The following WIF1 variants were observed in gnomAD, a reference collection of about 807,000 sequenced individuals.
The protein encoded by WIF1 is Wnt inhibitory factor 1.
A neutral mutation model predicts 53.5 loss-of-function variants in WIF1; 35 were observed. The ratio of observed to expected loss-of-function variants is 0.65; its 90% CI spans 0.50 to 0.87. The LOEUF is 0.87. Among genes scored for constraint, WIF1 ranks in the 40% least tolerant of loss-of-function variants. The pLI, the probability that WIF1 is intolerant of heterozygous loss-of-function variation, is 0.00. For missense variants in WIF1, 467 were observed against 476.8 expected, an observed-to-expected ratio of 0.98 and a Z score of 0.19; for synonymous variants, 171 against 170.4, an observed-to-expected ratio of 1.00 and a Z score of -0.03.
At chr12:65,116,495 C>A (rs1160393428) in intron 2 of WIF1, among the ~76,000 whole-genome samples, 1 of 151,936 alleles carries the variant, frequency 6.6e-6, no homozygotes, top group Non-Finnish European at 1.5e-5. Flanking sequence ...AGGAAAACAA[C>A]CTCAGGGCTC....
intron 3 of WIF1, among the ~76,000 whole-genome samples, chr12:65,072,731 A>G (rs1017817886): frequency 6.6e-6 from 1 of 152,184 alleles, no homozygotes; most frequent in Non-Finnish European, 1.5e-5. Context: ...AAGAGACATC[A>G]AAGGCAGAAA....
intron 2 of WIF1, among the ~76,000 whole-genome samples, chr12:65,078,581 A>G (rs1223448013): frequency 1.3e-5 from 2 of 152,120 alleles, no homozygotes; most frequent in African/African-American, 4.8e-5. Context: ...TGAAGTCCCA[A>G]ATTCCATGAT....
Position 65,056,037 on chromosome 12 carries a change from A to G in WIF1, c.916T>C (p.Ser306Pro). ...CSKGYQGDLC[S>P]KPVCEPGCGA... ...ATGTGTATGGGGTACTTACGCTTTG[A>G]ACAGAGGTCTCCCTGGTAACCTTTG... is the stretch of plus-strand genomic sequence containing the variant. The change falls in exon 8 of 10, where the codon TCA (serine) becomes CCA (proline). Residue 306 changes from serine (S) to proline (P), a missense_variant. By Grantham distance (74) the Ser-to-Pro change is moderately conservative (BLOSUM62 -1). Coordinates refer to ENST00000286574, the MANE Select transcript of WIF1 (RefSeq NM_007191.5). 6.2e-7 allele frequency: 1 copy of G among 1,613,930 alleles called. No individual in the cohort carries two copies.
intron 2 of WIF1, among the ~76,000 whole-genome samples, chr12:65,112,255 C>T (rs1883442084): frequency 6.6e-6 from 1 of 152,070 alleles, no homozygotes; most frequent in South Asian, 2.1e-4. Context: ...AGAATAGATG[C>T]TAAGTCAATG....
At position 65,084,800 on chromosome 12, in the gene WIF1, G is replaced by T. The variant is rs556190068; in HGVS notation, c.289-6946C>A. ...AATGGCATTAGCCTCTGATTCTAGT[G>T]ACAGGCAGCAGCTTTTCTGTTTGGC... On this transcript the variant is annotated intron_variant, in intron 2 of 9. Transcript: ENST00000286574. 7.2e-4 allele frequency among the ~76,000 whole-genome samples: 110 copies of T among 152,238 alleles called. 1 individual carries two copies. In the South Asian group the frequency reaches 0.023, roughly 31 times the overall value.
chr12:65,064,859 T>A (rs1180714046), intron 6 of WIF1, among the ~76,000 whole-genome samples: 1 of 152,160 alleles, frequency 6.6e-6, no homozygotes, highest in South Asian at 2.1e-4. Flanking sequence ...CACGCCTACA[T>A]AAGAAGGTCT....
chr12:65,116,957 A>T (rs1883521796), intron 2 of WIF1, among the ~76,000 whole-genome samples: 1 of 135,136 alleles, frequency 7.4e-6, no homozygotes, highest in South Asian at 2.5e-4. Context: ...AAAAAAAAAA[A>T]AAAATTGTCT....
At chr12:65,089,407 C>T (rs1391300485) in intron 2 of WIF1, among the ~76,000 whole-genome samples, 2 of 152,144 alleles carry the variant, frequency 1.3e-5, no homozygotes, top group Non-Finnish European at 2.9e-5. Flanking sequence ...ACCTACCTCC[C>T]TGGTAACTCA....
chr12:65,051,294 A>C lies in WIF1; in HGVS notation c.*55T>G. ...ATTATTTGAACATTCAACACATGAA[A>C]GGTTAACAAAGGCTATGAACTTGGT... On this transcript the variant is annotated 3_prime_UTR_variant, in exon 10 of 10. Transcript: ENST00000286574. The C allele has an allele frequency of 2.6e-6, 4 of 1,567,712 alleles. No individual in the cohort carries two copies. The highest frequency in any genetic ancestry group is 2.6e-6 in the Non-Finnish European group (3 of 1,156,526).
At chr12:65,115,690 T>C (rs1157693204) in intron 2 of WIF1, among the ~76,000 whole-genome samples, 1 of 152,228 alleles carries the variant, frequency 6.6e-6, no homozygotes, top group African/African-American at 2.4e-5. Context: ...GAAATTCTTT[T>C]CTCATCTAAA....
intron 2 of WIF1, among the ~76,000 whole-genome samples, chr12:65,111,144 T>C (rs4762126): frequency 0.2 from 30,037 of 152,158 alleles, 3,267 homozygotes; most frequent in Admixed American, 0.25. Flanking sequence ...AGGCACTCCT[T>C]GTTCCTGGCA....
At chr12:65,085,644 T>C (rs1236885646) in intron 2 of WIF1, among the ~76,000 whole-genome samples, 1 of 152,242 alleles carries the variant, frequency 6.6e-6, no homozygotes, top group Non-Finnish European at 1.5e-5. Context: ...AGAAGAAACA[T>C]TGCCTAAAGA....
intron 2 of WIF1, among the ~76,000 whole-genome samples, chr12:65,094,194 A>T (rs972973666): frequency 3.9e-5 from 6 of 152,194 alleles, no homozygotes; most frequent in African/African-American, 1.4e-4. Context: ...GGATTTTTGG[A>T]AAGTCTGAAA....
intron 2 of WIF1, among the ~76,000 whole-genome samples, chr12:65,079,611 G>A (rs1022141427): frequency 4.1e-5 from 6 of 146,204 alleles, no homozygotes; most frequent in East Asian, 2.0e-4. Flanking sequence ...GGGTGACAGA[G>A]TGAGACTCTG....
At chr12:65,093,755 C>T (rs7306391) in intron 2 of WIF1, among the ~76,000 whole-genome samples, 142,300 of 152,096 alleles carry the variant, frequency 0.94, 67,089 homozygotes, top group East Asian at 1. Flanking sequence ...AGAAAGTTCC[C>T]GCATGTGGAT....
chr12:65,110,411 G>A lies in WIF1; in HGVS notation c.288+10006C>T, dbSNP rs972992416. 4.6e-5 allele frequency among the ~76,000 whole-genome samples: 7 copies of A among 152,196 alleles called. No homozygotes were observed. In the South Asian group the frequency reaches 1.2e-3, roughly 27 times the overall value. ...ATCTCAGCTCATTAAACAGCTTCAC[G>A]AACATCCTTTGAGCTCCAGTTCCAC... On this transcript the variant is annotated intron_variant, in intron 2 of 9. Coordinates refer to ENST00000286574, the MANE Select transcript of WIF1 (RefSeq NM_007191.5).
At chr12:65,113,964 A>C (rs192924692) in intron 2 of WIF1, among the ~76,000 whole-genome samples, 52 of 152,342 alleles carry the variant, frequency 3.4e-4, no homozygotes, top group African/African-American at 1.2e-3. Context: ...AAACCCCAGG[A>C]GTGCAAAGGT....
intron 2 of WIF1, among the ~76,000 whole-genome samples, chr12:65,079,164 C>CAAAAAAA (rs1226121849): frequency 2.6e-4 from 21 of 80,082 alleles, no homozygotes; most frequent in South Asian, 1.1e-3. Context: ...GACTCCATCT[C>CAAAAAAA]AAAAAAAAAA....
chr12:65,077,692 C>G lies in WIF1; in HGVS notation c.397+54G>C, dbSNP rs1381050027. ...GTAGGACATTTGCATCTTAAATATT[C>G]TTATCATCATTACATTTTAAGTGTA... On this transcript the variant is annotated intron_variant, in intron 3 of 9. Transcript: ENST00000286574. The G allele has an allele frequency of 4.6e-6, 6 of 1,291,186 alleles. No homozygotes were observed. In the Admixed American group the frequency reaches 5.4e-5, roughly 12 times the overall value. 80.0% of individuals were successfully genotyped at this position (1,291,186 alleles called of 1,614,324 possible). A position where few individuals can be genotyped will look rare whatever the true frequency, so the allele number is the denominator to read the frequency against.
Sources: allele counts gnomAD v4.1 joint callset (sites outside exome capture counted in the v4.1 genomes callset), GRCh38; gene constraint gnomAD v4.1.1; transcripts MANE v1.5; gene names NCBI Gene and HGNC (gene_info 2026-07-23, HGNC 2026-07-21).